Variants in BRWD1 observed in about 807,000 individuals in gnomAD.
BRWD1 encodes the protein bromodomain and WD repeat domain containing 1.
BRWD1 carries 82 observed loss-of-function variants against 251.2 expected under a neutral mutation model. The observed-to-expected ratio is 0.33, with a 90% CI of 0.27 to 0.39. The LOEUF (loss-of-function observed/expected upper bound fraction) is 0.39, where lower values mean the gene tolerates loss of function less well. BRWD1 is among the 10% of genes least tolerant of loss of function. The pLI is 1.00. For missense variants in BRWD1, 2,233 were observed against 2,711.6 expected, an observed-to-expected ratio of 0.82 and a Z score of 3.92; for synonymous variants, 918 against 902.8, an observed-to-expected ratio of 1.02 and a Z score of -0.30.
Position 39,295,239 on chromosome 21 carries a change from A to G in BRWD1, c.609+504T>C, listed in dbSNP as rs182809292. On this transcript the variant is annotated intron_variant, in intron 7 of 40. Coordinates refer to ENST00000342449, the MANE Select transcript of BRWD1 (RefSeq NM_033656.4). ...TCTCGCTCTGTCGCCCAGGCTGGAG[A>G]GCAGTGGGGCGATTTCTGCACACTG... Among the ~76,000 whole-genome samples the G allele has an allele frequency of 3.4e-3, 420 of 124,074 alleles. 3 individuals are homozygous for G. The highest frequency in any genetic ancestry group is 4.7e-3 in the Non-Finnish European group (302 of 63,786). The allele number at this position is 124,074 out of a possible 152,430, so 81.4% of individuals were successfully genotyped here.
At chr21:39,234,521 C>G (rs1315075091) in intron 23 of BRWD1, among the ~76,000 whole-genome samples, 1 of 152,136 alleles carries the variant, frequency 6.6e-6, no homozygotes, top group Non-Finnish European at 1.5e-5. Context: ...CAAAAAGTAA[C>G]TAAAACTTTA....
At chr21:39,299,228 T>G (rs1423697522) in intron 4 of BRWD1, among the ~76,000 whole-genome samples, 1 of 135,272 alleles carries the variant, frequency 7.4e-6, no homozygotes, top group Non-Finnish European at 1.6e-5. Context: ...ATATACATAT[T>G]ACGCTAACTC....
chr21:39,316,244 A>T (rs1460447871), upstream of BRWD1, among the ~76,000 whole-genome samples: 1 of 152,222 alleles, frequency 6.6e-6, no homozygotes, highest in African/African-American at 2.4e-5. Context: ...TAAATCTGCA[A>T]GATGAAGTTG....
chr21:39,319,782 C>T (rs2036730834), intron 1 of BRWD1, among the ~76,000 whole-genome samples: 1 of 152,144 alleles, frequency 6.6e-6, no homozygotes, highest in Non-Finnish European at 1.5e-5. Context: ...TTAGTTCAGG[C>T]CCTCAATCAT....
intron 4 of BRWD1, among the ~76,000 whole-genome samples, chr21:39,304,819 G>A (rs1301651232): frequency 1.3e-5 from 2 of 150,702 alleles, no homozygotes; most frequent in Non-Finnish European, 3.0e-5. Flanking sequence ...GGGAAGACAA[G>A]AAGATTATAA....
In BRWD1 at chr21:39,185,895, C is replaced by A. The variant is rs777216208; in HGVS notation, c.*10364G>T. The A allele has an allele frequency of 1.3e-5, 2 of 152,158 alleles. No homozygotes were observed. Among genetic ancestry groups the A allele is most frequent in the Non-Finnish European group, 1.5e-5 (1 of 67,982 alleles). The allele number at this position is 152,158 out of a possible 1,614,324, so 9.4% of individuals were successfully genotyped here. A position where few individuals can be genotyped will look rare whatever the true frequency, so the allele number is the denominator to read the frequency against. Reference sequence around the variant, plus strand: ...TGTTAAAAAGATGCGACAGTATATTCATTTAATCTGGCAATTTTAATTTCA... The same window carrying A: ...TGTTAAAAAGATGCGACAGTATATTAATTTAATCTGGCAATTTTAATTTCA... On this transcript the variant is annotated 3_prime_UTR_variant, in exon 41 of 41. Coordinates refer to ENST00000342449, the MANE Select transcript of BRWD1 (RefSeq NM_033656.4).
In BRWD1 at chr21:39,190,407, T is replaced by C; in HGVS notation, c.*5852A>G. The C allele has an allele frequency of 1.0e-6, 1 of 985,346 alleles. No individual in the cohort carries two copies. Among genetic ancestry groups the C allele is most frequent in the Non-Finnish European group, 1.2e-6 (1 of 829,890 alleles). 61.0% of individuals were successfully genotyped at this position (985,346 alleles called of 1,614,324 possible). A position where few individuals can be genotyped will look rare whatever the true frequency, so the allele number is the denominator to read the frequency against. On this transcript the variant is annotated 3_prime_UTR_variant, in exon 41 of 41. Coordinates refer to ENST00000342449, the MANE Select transcript of BRWD1 (RefSeq NM_033656.4). The stretch of plus-strand genomic sequence containing the variant: ...AACAGATTTGAGAATGAGAAAAGAA[T>C]GTCTGACTCAAAATGAAAACATACT...
chr21:39,232,040 T>C (rs1469892270), intron 25 of BRWD1, 137 bp downstream of exon 25: 1 of 810,890 alleles, frequency 1.2e-6, no homozygotes, highest in Non-Finnish European at 1.9e-6. Flanking sequence ...TCTTAAGGTT[T>C]GGTTACAGCA....
chr21:39,314,219 G>T (rs1424607304), upstream of BRWD1: 4 of 455,618 alleles, frequency 8.8e-6, 1 homozygote, highest in South Asian at 6.2e-5. Flanking sequence ...CCGGACCCGC[G>T]CTCCTGGGGC....
At chr21:39,237,043 G>C (rs2033835412) in intron 22 of BRWD1, among the ~76,000 whole-genome samples, 1 of 151,986 alleles carries the variant, frequency 6.6e-6, no homozygotes, top group Non-Finnish European at 1.5e-5. Flanking sequence ...AAAAATTTAG[G>C]TATATTGTAG....
Position 39,229,448 on chromosome 21 carries a change from A to T in BRWD1, c.3001-12T>A. The T allele has an allele frequency of 6.3e-7, 1 of 1,593,580 alleles. No homozygotes were observed. Among genetic ancestry groups the T allele is most frequent in the Non-Finnish European group, 8.6e-7 (1 of 1,163,680 alleles). On this transcript the variant is annotated splice_polypyrimidine_tract_variant and intron_variant, in intron 25 of 40. Coordinates refer to ENST00000342449, the MANE Select transcript of BRWD1 (RefSeq NM_033656.4). The stretch of plus-strand genomic sequence containing the variant: ...ACCAATTCTTGATCCTTTAACAGAC[A>T]TATTTTTTAATGGTTAAAATAAAAG...
In BRWD1 at chr21:39,194,247, T is replaced by C. The variant is rs1316096239; in HGVS notation, c.*2012A>G. On this transcript the variant is annotated 3_prime_UTR_variant, in exon 41 of 41. Coordinates refer to ENST00000342449, the MANE Select transcript of BRWD1 (RefSeq NM_033656.4). ...AGAATGTATGTACTTATGAATGTAT[T>C]CCATATTTATTTATGGATTTTTTTG... 1 of 988,592 alleles carries C rather than the reference T, an allele frequency of 1.0e-6. No individual in the cohort carries two copies. Among genetic ancestry groups the C allele is most frequent in the East Asian group, 1.1e-4 (1 of 9,102 alleles). 61.2% of individuals were successfully genotyped at this position (988,592 alleles called of 1,614,324 possible).
At chr21:39,254,413 C>G (rs1361601160) in intron 19 of BRWD1, among the ~76,000 whole-genome samples, 1 of 26,034 alleles carries the variant, frequency 3.8e-5, no homozygotes, top group Non-Finnish European at 8.6e-5. Context: ...TTTGAAAGGA[C>G]AGGGAGCCTT....
chr21:39,250,863 T>G lies in BRWD1; in HGVS notation c.2282A>C (p.Lys761Thr). Residue 761 changes from lysine to threonine, a missense_variant, in exon 20 of 41, where the codon AAA becomes ACA. Physicochemically the swap from Lys to Thr is moderately conservative, Grantham distance 78. Transcript: ENST00000342449. Reference protein sequence around the residue: ...FRKLEDFRLEKGEEERNLYII... With the variant: ...FRKLEDFRLETGEEERNLYII... The stretch of plus-strand genomic sequence containing the variant: ...ATAAAGATTTCTTTCCTCTTCACCT[T>G]TCTCTAATCGGAAGTCTTCCAGCTT... 6.3e-7 allele frequency: 1 copy of G among 1,599,436 alleles called. No homozygotes were observed. Among genetic ancestry groups the G allele is most frequent in the Non-Finnish European group, 8.5e-7 (1 of 1,172,922 alleles).
At position 39,187,529 on chromosome 21, in the gene BRWD1, T is replaced by C. The variant is rs2031310963; in HGVS notation, c.*8730A>G. 7.1e-7 allele frequency: 1 copy of C among 1,407,984 alleles called. No individual in the cohort carries two copies. 87.2% of individuals were successfully genotyped at this position (1,407,984 alleles called of 1,614,324 possible). On this transcript the variant is annotated 3_prime_UTR_variant, in exon 41 of 41. Transcript: ENST00000342449. ...TCGGAAACAATAAATTTAAAAGTCA[T>C]ATTGCTAAATGATAAATTTTAAAAT...
Position 39,312,872 on chromosome 21 carries a change from C to CGA in BRWD1, c.166_167insTC (p.Gly56ValfsTer87). 1 of 1,566,188 alleles carries CGA rather than the reference C, an allele frequency of 6.4e-7. No individual in the cohort carries two copies. Among genetic ancestry groups the CGA allele is most frequent in the Non-Finnish European group, 8.6e-7 (1 of 1,159,024 alleles). ...CTCGTAGCTCCTGTTGTGCTCGTTG[C>CGA]CCTCCCAGTCCAATCTCTTCGGCAA... On this transcript the variant is annotated frameshift_variant, in exon 4 of 41. Transcript: ENST00000342449. LOFTEE classifies it high-confidence loss of function.
At chr21:39,270,116 T>C in intron 14 of BRWD1, 83 bp from the exon 15 acceptor site, 8 of 1,294,144 alleles carry the variant, frequency 6.2e-6, no homozygotes, top group Non-Finnish European at 8.2e-6. Flanking sequence ...TTACAGCATA[T>C]ACTTTTAGAA....
chr21:39,247,474 CTGAGTTGGGA>C (rs1238060564), intron 21 of BRWD1, among the ~76,000 whole-genome samples: 1 of 152,148 alleles, frequency 6.6e-6, no homozygotes, highest in Non-Finnish European at 1.5e-5. Context: ...TTTCAAAATT[CTGAGTTGGGA>C]TGCTCAACAT....
intron 8 of BRWD1, among the ~76,000 whole-genome samples, chr21:39,287,870 T>C (rs2035691438): frequency 6.6e-6 from 1 of 152,210 alleles, no homozygotes; most frequent in African/African-American, 2.4e-5. Context: ...AAATTTCCCC[T>C]TCAGCACAAC....
Sources: gnomAD v4.1 joint callset for allele counts (sites outside exome capture counted in the v4.1 genomes callset) on GRCh38, gnomAD v4.1.1 for gene constraint, MANE v1.5 for transcripts, NCBI Gene and HGNC (gene_info 2026-07-23, HGNC 2026-07-21) for gene names.